ARHGEF7: variants seen among roughly 807,000 people sequenced by gnomAD.
ARHGEF7 encodes the protein Rho guanine nucleotide exchange factor 7.
ARHGEF7 carries 33 observed loss-of-function variants against 109.8 expected under a neutral mutation model. The ratio of observed to expected loss-of-function variants is 0.30; its 90% CI spans 0.23 to 0.40. The LOEUF (loss-of-function observed/expected upper bound fraction) is 0.40, where lower values mean the gene tolerates loss of function less well. ARHGEF7 is among the 10% of genes least tolerant of loss of function. The probability of loss-of-function intolerance (pLI) is 1.00; values close to 1 mark genes in which losing one functional copy is unlikely to be tolerated. For synonymous variants in ARHGEF7, 458 were observed against 424.6 expected (o/e 1.08, Z -0.97); for missense variants, 938 against 1,098.5 (o/e 0.85, Z 2.07).
intron 6 of ARHGEF7, among the ~76,000 whole-genome samples, chr13:111,238,834 A>G (rs768205351): frequency 2.2e-4 from 33 of 152,092 alleles, no homozygotes; most frequent in Non-Finnish European, 2.4e-4. Context: ...GCTCAGCGAT[A>G]TACACTATGG....
intron 2 of ARHGEF7, among the ~76,000 whole-genome samples, chr13:111,177,312 A>G (rs1382760191): frequency 6.6e-5 from 10 of 152,212 alleles, no homozygotes; most frequent in African/African-American, 1.2e-4. Flanking sequence ...AGAAACACAA[A>G]TGATGTTGTG....
intron 19 of ARHGEF7, 43 bp downstream of exon 19, chr13:111,292,337 CTTCTGAGCTT>C: frequency 1.2e-6 from 2 of 1,607,238 alleles, no homozygotes; most frequent in Non-Finnish European, 1.7e-6. Flanking sequence ...AACTAATGCA[CTTCTGAGCTT>C]TTCTTAACAA....
At chr13:111,182,960 C>T (rs1295163219) in intron 2 of ARHGEF7, among the ~76,000 whole-genome samples, 2 of 152,180 alleles carry the variant, frequency 1.3e-5, no homozygotes, top group Admixed American at 1.3e-4. Flanking sequence ...CAACTGTAAG[C>T]TAATATGAGT....
At chr13:111,263,714 C>T (rs951233754) in intron 8 of ARHGEF7, among the ~76,000 whole-genome samples, 6 of 152,252 alleles carry the variant, frequency 3.9e-5, no homozygotes, top group Non-Finnish European at 5.9e-5. Flanking sequence ...TCTAGAAGCC[C>T]GCCTCTTCCT....
In ARHGEF7 at chr13:111,131,219, T is replaced by G. The variant is rs1217512412; in HGVS notation, c.165+15528T>G. ...GGAGCCTGGGCTGGAGTGGAGGCAG[T>G]GCTGACAAGGAGATGGGGATGGCAC... On this transcript the variant is annotated intron_variant, in intron 1 of 21. Coordinates refer to ENST00000646102, the MANE Select transcript of ARHGEF7 (RefSeq NM_001354046.2). The surrounding 1 kb of genome is among the most constrained non-coding windows in gnomAD (Gnocchi z 4.4). 1.3e-5 allele frequency among the ~76,000 whole-genome samples: 2 copies of G among 151,946 alleles called. No individual in the cohort carries two copies. Among genetic ancestry groups the G allele is most frequent in the African/African-American group, 4.8e-5 (2 of 41,368 alleles).
At chr13:111,152,375 A>G (rs1338945209) in intron 1 of ARHGEF7, among the ~76,000 whole-genome samples, 1 of 152,234 alleles carries the variant, frequency 6.6e-6, no homozygotes, top group African/African-American at 2.4e-5. Flanking sequence ...TATTACCTAG[A>G]TATGTGATAA....
chr13:111,153,908 T>C lies in ARHGEF7; in HGVS notation c.169T>C (p.Tyr57His). 6.2e-7 allele frequency: 1 copy of C among 1,604,530 alleles called. No homozygotes were observed. Among genetic ancestry groups the C allele is most frequent in the Non-Finnish European group, 8.5e-7 (1 of 1,176,922 alleles). ...GCGCTTGTGCTCTGTATTGCAGGTCTACCCCGAGCCCCGGAGCGAGAGCGA... is the reference window on the plus strand; with the variant it reads ...GCGCTTGTGCTCTGTATTGCAGGTCCACCCCGAGCCCCGGAGCGAGAGCGA... The part of the protein sequence containing the change: ...RLLPGTIEKV[Y>H]PEPRSESECL... Residue 57 changes from tyrosine (Y) to histidine (H), a missense_variant, in exon 2 of 22, where the codon TAC becomes CAC. This residue lies in a region of ARHGEF7 where 165 missense variants were observed against 125.8 expected (regional missense o/e 1.31). Coordinates refer to ENST00000646102, the MANE Select transcript of ARHGEF7 (RefSeq NM_001354046.2).
At position 111,294,201 on chromosome 13, in the gene ARHGEF7, A is replaced by G. The variant is rs1200669340; in HGVS notation, c.2311+1907A>G. 3.0e-6 allele frequency: 3 copies of G among 985,324 alleles called. No individual in the cohort carries two copies. In the African/African-American group the frequency reaches 5.2e-5, roughly 17 times the overall value. 61.0% of individuals were successfully genotyped at this position (985,324 alleles called of 1,614,324 possible). On this transcript the variant is annotated intron_variant, in intron 19 of 21. Coordinates refer to ENST00000646102, the MANE Select transcript of ARHGEF7 (RefSeq NM_001354046.2). The stretch of plus-strand genomic sequence containing the variant: ...AATAAGATAACTACAAAGTTTCTAT[A>G]CTTACTATAAGTGGATTTAGAAGCG...
chr13:111,268,308 T>C (rs2091845131), intron 9 of ARHGEF7, among the ~76,000 whole-genome samples: 1 of 152,170 alleles, frequency 6.6e-6, no homozygotes, highest in South Asian at 2.1e-4. Context: ...CTTAGAGAGC[T>C]CAGAGGCTCA....
chr13:111,165,701 G>C (rs942639243), intron 2 of ARHGEF7, among the ~76,000 whole-genome samples: 1 of 152,158 alleles, frequency 6.6e-6, no homozygotes, highest in Non-Finnish European at 1.5e-5. Flanking sequence ...CCTGCACAGC[G>C]GTACAGCTGA....
chr13:111,153,649 T>G lies in ARHGEF7; in HGVS notation c.166-256T>G, dbSNP rs554390754. The G allele has an allele frequency of 4.1e-6, 5 of 1,217,796 alleles. No homozygotes were observed. The East Asian group carries it at 2.1e-4, about 51-fold the overall frequency. The allele number at this position is 1,217,796 out of a possible 1,614,324, so 75.4% of individuals were successfully genotyped here. On this transcript the variant is annotated intron_variant, in intron 1 of 21. Coordinates refer to ENST00000646102, the MANE Select transcript of ARHGEF7 (RefSeq NM_001354046.2). Reference sequence around the variant, plus strand: ...CGGGGGCGCGGTCTGAGGACGTCACTTCCGGCGCCGGGGCTCACTTCCTGG... The same window carrying G: ...CGGGGGCGCGGTCTGAGGACGTCACGTCCGGCGCCGGGGCTCACTTCCTGG...
chr13:111,118,589 C>G (rs557476602), intron 1 of ARHGEF7, among the ~76,000 whole-genome samples: 1 of 152,200 alleles, frequency 6.6e-6, no homozygotes, highest in South Asian at 2.1e-4. Context: ...ACACTCCTCC[C>G]GTGAGCAGAG....
Position 111,259,873 on chromosome 13 carries a change from A to T in ARHGEF7, c.951-7675A>T, listed in dbSNP as rs572275184. ...TGAGGAAACAATGAAATTCAAGATG[A>T]CACAGAGAAGGAAATCAGAATCCTA... On this transcript the variant is annotated intron_variant, in intron 8 of 21. Transcript: ENST00000646102. Among the ~76,000 whole-genome samples the T allele has an allele frequency of 1.3e-4, 20 of 152,362 alleles. 1 individual carries two copies. The South Asian group carries it at 4.1e-3, about 32-fold the overall frequency.
At chr13:111,173,310 G>A (rs765907318) in intron 2 of ARHGEF7, among the ~76,000 whole-genome samples, 1 of 152,190 alleles carries the variant, frequency 6.6e-6, no homozygotes, top group Non-Finnish European at 1.5e-5. Flanking sequence ...GGTGTGCTTG[G>A]CTAGCTTGTC....
chr13:111,161,754 A>G (rs1247268592), intron 2 of ARHGEF7, among the ~76,000 whole-genome samples: 11 of 152,052 alleles, frequency 7.2e-5, no homozygotes, highest in African/African-American at 2.4e-4. Flanking sequence ...TTTTTTTTTA[A>G]CCATTGCAAA....
At position 111,243,807 on chromosome 13, in the gene ARHGEF7, G is replaced by C. The variant is rs186891313; in HGVS notation, c.760-65G>C. ...ACAATGGCGATGAACTGTCCAAAGT[G>C]TATAAATCTTAGTGTCAAATAGCAA... On this transcript the variant is annotated intron_variant, in intron 6 of 21. Coordinates refer to ENST00000646102, the MANE Select transcript of ARHGEF7 (RefSeq NM_001354046.2). 7.6e-6 allele frequency: 8 copies of C among 1,046,344 alleles called. No homozygotes were observed. In the Admixed American group the frequency reaches 1.2e-4, roughly 16 times the overall value. The allele number at this position is 1,046,344 out of a possible 1,614,324, so 64.8% of individuals were successfully genotyped here.
intron 1 of ARHGEF7, among the ~76,000 whole-genome samples, chr13:111,123,630 G>A (rs1221909290): frequency 6.6e-6 from 1 of 152,092 alleles, no homozygotes; most frequent in African/African-American, 2.4e-5. Flanking sequence ...TTCCTCTCTA[G>A]TATTTTCTCT....
intron 1 of ARHGEF7, among the ~76,000 whole-genome samples, chr13:111,128,081 A>G (rs1356827724): frequency 1.3e-5 from 2 of 152,232 alleles, no homozygotes; most frequent in Admixed American, 6.5e-5. Context: ...AGGGGCATCC[A>G]TGAAAACCTA....
At chr13:111,185,416 T>C (rs185569122) in intron 2 of ARHGEF7, among the ~76,000 whole-genome samples, 3 of 152,350 alleles carry the variant, frequency 2.0e-5, no homozygotes, top group East Asian at 3.9e-4. Flanking sequence ...CTTTCTCTGT[T>C]AATTTTTTGA....
Sources: allele counts gnomAD v4.1 joint callset (sites outside exome capture counted in the v4.1 genomes callset), GRCh38; gene constraint gnomAD v4.1.1; regional missense constraint gnomAD v4.1.1; non-coding constraint Gnocchi (gnomAD v3.1); transcripts MANE v1.5; gene names NCBI Gene and HGNC (gene_info 2026-07-23, HGNC 2026-07-21).